The following FER variants were observed in gnomAD, a reference collection of about 807,000 sequenced individuals.
FER encodes the protein FER tyrosine kinase.
Under a neutral mutation model 111.0 loss-of-function variants are expected in FER, and 63 were observed. The ratio of observed to expected loss-of-function variants is 0.57; its 90% CI spans 0.46 to 0.70. FER has a LOEUF of 0.70. FER is among the 30% of genes least tolerant of loss of function. The probability of loss-of-function intolerance (pLI) is 0.00; values close to 1 mark genes in which losing one functional copy is unlikely to be tolerated. For synonymous variants in FER, 327 were observed against 313.9 expected (o/e 1.04, Z -0.44); for missense variants, 914 against 954.0 (o/e 0.96, Z 0.55).
At chr5:109,001,606 T>G (rs191621349) in intron 13 of FER, among the ~76,000 whole-genome samples, 92 of 152,288 alleles carry the variant, frequency 6.0e-4, no homozygotes, top group Admixed American at 8.5e-4. Flanking sequence ...CCACTCCTAT[T>G]CAACATAGTG....
At chr5:109,182,926 C>T (rs1042190795) in intron 18 of FER, among the ~76,000 whole-genome samples, 3 of 152,152 alleles carry the variant, frequency 2.0e-5, no homozygotes, top group Non-Finnish European at 2.9e-5. Flanking sequence ...ACTGCAACCT[C>T]AACCTCCAGG....
At chr5:109,042,807 G>A (rs115603345) in intron 14 of FER, among the ~76,000 whole-genome samples, 1 of 152,118 alleles carries the variant, frequency 6.6e-6, no homozygotes, top group Non-Finnish European at 1.5e-5. Flanking sequence ...TGTAGAAAAG[G>A]CATGACACGT....
intron 16 of FER, among the ~76,000 whole-genome samples, chr5:109,058,278 G>C (rs1173475470): frequency 6.6e-6 from 1 of 152,148 alleles, no homozygotes; most frequent in Non-Finnish European, 1.5e-5. Flanking sequence ...ATGACTAAAT[G>C]TTTTCCCCCT....
At chr5:108,819,736 TGA>T (rs1043533562) in intron 3 of FER, 19 of 935,590 alleles carry the variant, frequency 2.0e-5, no homozygotes, top group African/African-American at 3.6e-5. Flanking sequence ...TCATTCTATG[TGA>T]GAGAGAAAAA....
intron 10 of FER, among the ~76,000 whole-genome samples, chr5:108,916,955 A>T (rs976757941): frequency 9.9e-5 from 15 of 152,038 alleles, no homozygotes; most frequent in Non-Finnish European, 1.8e-4. Flanking sequence ...TGAACATAGG[A>T]TTCTATATTT....
intron 5 of FER, among the ~76,000 whole-genome samples, chr5:108,857,171 T>G (rs1405847032): frequency 6.6e-6 from 1 of 152,160 alleles, no homozygotes; most frequent in Admixed American, 6.5e-5. Flanking sequence ...TGTGTGTGTA[T>G]GTGTAAATAT....
At chr5:108,946,024 T>C (rs1256575868) in intron 10 of FER, 106 bp from the exon 11 acceptor site, 2 of 674,342 alleles carry the variant, frequency 3.0e-6, no homozygotes, top group Non-Finnish European at 5.1e-6. Context: ...TTTTATTTAG[T>C]TGGAAGACAT....
chr5:109,044,838 ATTAT>A (rs1443208509), intron 15 of FER, 43 bp downstream of exon 15: 1 of 974,978 alleles, frequency 1.0e-6, no homozygotes, highest in Non-Finnish European at 1.5e-6. Context: ...TATTATGTAA[ATTAT>A]TTATTAAAAT....
At chr5:109,133,039 G>A (rs1198935360) in intron 17 of FER, among the ~76,000 whole-genome samples, 4 of 152,158 alleles carry the variant, frequency 2.6e-5, no homozygotes, top group African/African-American at 9.7e-5. Flanking sequence ...ATAAGTCATT[G>A]TAGAAGATGT....
rs187868455 is a variant in FER at position 109,073,554 on chromosome 5, A to C, written c.1924+26356A>C. ...TGGTTTATATCTCACCATTATATAA[A>C]TATCTAATGGGGAAAACTATGTATA... On this transcript the variant is annotated intron_variant, in intron 16 of 19. Coordinates refer to ENST00000281092, the MANE Select transcript of FER (RefSeq NM_005246.4). Among the ~76,000 whole-genome samples, 72 of 152,298 alleles carry C rather than the reference A, an allele frequency of 4.7e-4. 1 individual carries two copies. Among genetic ancestry groups the C allele is most frequent in the Non-Finnish European group, 2.4e-4 (16 of 68,010 alleles).
At chr5:108,930,289 G>T (rs1211746073) in intron 10 of FER, among the ~76,000 whole-genome samples, 1 of 116,518 alleles carries the variant, frequency 8.6e-6, no homozygotes, top group Non-Finnish European at 1.8e-5. Flanking sequence ...AAGGATTACA[G>T]GCATAAGCCT....
chr5:108,976,887 T>C (rs1352737806), intron 13 of FER, among the ~76,000 whole-genome samples: 1 of 152,210 alleles, frequency 6.6e-6, no homozygotes, highest in Non-Finnish European at 1.5e-5. Context: ...TGTAATATTA[T>C]GACTTTTCTC....
chr5:108,766,012 C>T (rs1254964563), intron 1 of FER, among the ~76,000 whole-genome samples: 1 of 151,888 alleles, frequency 6.6e-6, no homozygotes, highest in African/African-American at 2.4e-5. Flanking sequence ...TCACTGCAAC[C>T]TCAAATTCCT....
intron 2 of FER, chr5:108,785,573 A>G: frequency 2.1e-6 from 1 of 481,060 alleles, no homozygotes; most frequent in Non-Finnish European, 4.1e-6. Flanking sequence ...GCAGAGCTTT[A>G]GAAATTAAGA....
In FER at chr5:109,132,130, TTGGGATCTAAATGC is replaced by T. The variant is rs1212256721; in HGVS notation, c.2048+31616_2048+31629del. Reference sequence around the variant, plus strand: ...ACAACCAAATACTTTGTTGTCGGCATTGGGATCTAAATGCTGGGCATCTTCACAAACTTAAAAAT... The same window carrying T: ...ACAACCAAATACTTTGTTGTCGGCATTGGGCATCTTCACAAACTTAAAAAT... On this transcript the variant is annotated intron_variant, in intron 17 of 19. Transcript: ENST00000281092. Among the ~76,000 whole-genome samples the T allele has an allele frequency of 3.9e-5, 6 of 152,316 alleles. No individual in the cohort carries two copies. In the East Asian group the frequency reaches 1.2e-3, roughly 29 times the overall value.
At chr5:109,071,862 C>G (rs1426677320) in intron 16 of FER, among the ~76,000 whole-genome samples, 2 of 151,564 alleles carry the variant, frequency 1.3e-5, no homozygotes, top group Non-Finnish European at 2.9e-5. Context: ...AAGCCATTAA[C>G]TGTGAAAAGC....
intron 1 of FER, among the ~76,000 whole-genome samples, chr5:108,750,770 A>G (rs895799570): frequency 9.2e-5 from 14 of 152,240 alleles, no homozygotes; most frequent in Admixed American, 3.9e-4. Flanking sequence ...TTTACTATGA[A>G]AAATTTCAAA....
chr5:109,034,212 A>C (rs1023075769), intron 13 of FER, among the ~76,000 whole-genome samples: 2 of 152,100 alleles, frequency 1.3e-5, no homozygotes, highest in Admixed American at 1.3e-4. Flanking sequence ...TTTTCTGTCT[A>C]TAACTTAGAC....
chr5:108,973,743 A>T (rs773345429), intron 13 of FER, among the ~76,000 whole-genome samples: 17 of 152,158 alleles, frequency 1.1e-4, no homozygotes, highest in Non-Finnish European at 2.2e-4. Flanking sequence ...TGGTCTTACC[A>T]TGAGGGATAC....
Sources: gnomAD v4.1 joint callset for allele counts (sites outside exome capture counted in the v4.1 genomes callset) on GRCh38, gnomAD v4.1.1 for gene constraint, MANE v1.5 for transcripts, NCBI Gene and HGNC (gene_info 2026-07-23, HGNC 2026-07-21) for gene names.